NAV3: variants seen among roughly 807,000 people sequenced by gnomAD.
NAV3 encodes pore membrane and/or filament interacting like protein 1.
NAV3 carries 87 observed loss-of-function variants against 244.7 expected under a neutral mutation model. The ratio of observed to expected loss-of-function variants is 0.36; its 90% CI spans 0.30 to 0.42. NAV3 has a LOEUF of 0.42. NAV3 is among the 20% of genes least tolerant of loss of function. NAV3 has a pLI of 1.00. For synonymous variants in NAV3, 1,126 were observed against 1,042.2 expected (o/e 1.08, Z -1.55); for missense variants, 2,663 against 2,893.3 (o/e 0.92, Z 1.83).
chr12:77,788,364 T>A (rs1452687683), intron 2 of NAV3, among the ~76,000 whole-genome samples: 1 of 152,194 alleles, frequency 6.6e-6, no homozygotes, highest in South Asian at 2.1e-4. Flanking sequence ...CTTAAGTCAG[T>A]GCTAAGTGTG....
At chr12:77,738,967 G>C (rs1047084035) in intron 2 of NAV3, among the ~76,000 whole-genome samples, 1 of 131,826 alleles carries the variant, frequency 7.6e-6, no homozygotes, top group Non-Finnish European at 1.5e-5. Flanking sequence ...AGCCGAGATC[G>C]CGCTACTGCA....
At chr12:78,009,491 A>G (rs189482041) in intron 8 of NAV3, among the ~76,000 whole-genome samples, 10 of 150,836 alleles carry the variant, frequency 6.6e-5, no homozygotes, top group African/African-American at 2.2e-4. Flanking sequence ...AGGGCGATAG[A>G]ATATGTCTTA....
rs573312643 is a variant in NAV3 at position 77,985,627 on chromosome 12, C to T, written c.672-9176C>T. Among the ~76,000 whole-genome samples the T allele has an allele frequency of 1.5e-3, 231 of 151,966 alleles. 1 individual carries two copies. Among genetic ancestry groups the T allele is most frequent in the Non-Finnish European group, 2.7e-3 (183 of 67,988 alleles). On this transcript the variant is annotated intron_variant, in intron 5 of 39. Transcript: ENST00000397909. ...TGGAATTTTCTTTTCATACACTACA[C>T]GAGCGATGTTCAACCTCATTTTCCC...
At chr12:78,125,656 AT>A (rs2138777274) in intron 16 of NAV3, among the ~76,000 whole-genome samples, 1 of 152,306 alleles carries the variant, frequency 6.6e-6, no homozygotes, top group East Asian at 1.9e-4. Context: ...TGAAATCCCC[AT>A]TCGTTTTCAT....
At chr12:78,107,009 G>A (rs1954835261) in intron 12 of NAV3, among the ~76,000 whole-genome samples, 1 of 152,072 alleles carries the variant, frequency 6.6e-6, no homozygotes, top group Non-Finnish European at 1.5e-5. Flanking sequence ...CATAATCAAA[G>A]CCACAGTACC....
intron 2 of NAV3, among the ~76,000 whole-genome samples, chr12:77,665,443 A>G (rs908686660): frequency 2.0e-5 from 3 of 152,182 alleles, no homozygotes; most frequent in Non-Finnish European, 2.9e-5. Flanking sequence ...ATAAGAATTA[A>G]TACTTTTTAA....
chr12:77,738,014 C>T (rs1278879513), intron 2 of NAV3, among the ~76,000 whole-genome samples: 1 of 152,166 alleles, frequency 6.6e-6, no homozygotes, highest in African/African-American at 2.4e-5. Flanking sequence ...TTTGCGCATC[C>T]TTCAAGAATA....
chr12:77,616,594 A>G (rs920047237), intron 2 of NAV3, among the ~76,000 whole-genome samples: 1 of 152,088 alleles, frequency 6.6e-6, no homozygotes, highest in Non-Finnish European at 1.5e-5. Context: ...TGGGCTCAGA[A>G]ATGTTAAGTT....
At chr12:77,636,596 C>T (rs944388320) in intron 2 of NAV3, among the ~76,000 whole-genome samples, 1 of 152,000 alleles carries the variant, frequency 6.6e-6, no homozygotes, top group African/African-American at 2.4e-5. Context: ...GGCGATTCCT[C>T]AAGGATCTAG....
At chr12:77,813,290 G>A (rs1276655348) in intron 2 of NAV3, among the ~76,000 whole-genome samples, 2 of 152,024 alleles carry the variant, frequency 1.3e-5, no homozygotes, top group African/African-American at 4.8e-5. Flanking sequence ...TTTTACTTTG[G>A]AGAACCAGCC....
chr12:78,160,410 T>C (rs1395297518), intron 23 of NAV3, among the ~76,000 whole-genome samples: 31 of 127,946 alleles, frequency 2.4e-4, no homozygotes, highest in African/African-American at 7.6e-4. Flanking sequence ...CGTGCGTGTG[T>C]GTGTGTGTGT....
intron 12 of NAV3, among the ~76,000 whole-genome samples, chr12:78,104,455 A>C (rs1954699544): frequency 6.6e-6 from 1 of 152,208 alleles, no homozygotes; most frequent in Non-Finnish European, 1.5e-5. Context: ...CCTTGAATGT[A>C]TAACACATTT....
chr12:77,818,371 T>C (rs991630951), intron 2 of NAV3, among the ~76,000 whole-genome samples: 11 of 152,172 alleles, frequency 7.2e-5, no homozygotes, highest in Non-Finnish European at 1.3e-4. Flanking sequence ...ATGAAAATGA[T>C]ATAGTCTCTA....
At chr12:78,000,341 A>G (rs1423848140) in intron 7 of NAV3, among the ~76,000 whole-genome samples, 1 of 152,144 alleles carries the variant, frequency 6.6e-6, no homozygotes, top group African/African-American at 2.4e-5. Flanking sequence ...TTTGTCTTGT[A>G]TGCAATATGA....
At chr12:77,695,372 A>G (rs1875247905) in intron 2 of NAV3, among the ~76,000 whole-genome samples, 1 of 152,132 alleles carries the variant, frequency 6.6e-6, no homozygotes, top group African/African-American at 2.4e-5. Flanking sequence ...GCATACGAAT[A>G]TCCAGTTTTT....
At chr12:77,937,133 G>A (rs1156940266) in intron 1 of NAV3, among the ~76,000 whole-genome samples, 1 of 152,116 alleles carries the variant, frequency 6.6e-6, no homozygotes, top group Non-Finnish European at 1.5e-5. Context: ...CAAATAAAGT[G>A]TACTACAATT....
chr12:77,882,281 C>A (rs551022235), intron 1 of NAV3, among the ~76,000 whole-genome samples: 4 of 152,166 alleles, frequency 2.6e-5, no homozygotes, highest in African/African-American at 4.8e-5. Flanking sequence ...TACTGCATAC[C>A]TACAACCATG....
intron 1 of NAV3, among the ~76,000 whole-genome samples, chr12:77,894,201 T>C (rs533444980): frequency 3.7e-4 from 57 of 152,092 alleles, no homozygotes; most frequent in Non-Finnish European, 7.5e-4. Context: ...ACTAACAAGA[T>C]AGTGTTGTTG....
intron 2 of NAV3, among the ~76,000 whole-genome samples, chr12:77,792,758 C>G (rs1871239250): frequency 6.6e-6 from 1 of 152,170 alleles, no homozygotes; most frequent in African/African-American, 2.4e-5. Context: ...TGAAGGCACT[C>G]TCTATATTTT....
Sources: allele counts gnomAD v4.1 joint callset (sites outside exome capture counted in the v4.1 genomes callset), GRCh38; gene constraint gnomAD v4.1.1; transcripts MANE v1.5; gene names NCBI Gene and HGNC (gene_info 2026-07-23, HGNC 2026-07-21).